TMTC2: variants seen among roughly 807,000 people sequenced by gnomAD.
TMTC2 encodes protein O-mannosyl-transferase TMTC2.
Under a neutral mutation model 82.4 loss-of-function variants are expected in TMTC2, and 43 were observed. The ratio of observed to expected loss-of-function variants is 0.52; its 90% CI spans 0.41 to 0.67. TMTC2 has a LOEUF of 0.67. Ranked by LOEUF, TMTC2 falls within the 30% of genes least tolerant of loss-of-function variation. TMTC2 has a pLI of 0.00. For missense variants in TMTC2, 919 were observed against 1,012.4 expected (o/e 0.91, Z 1.25); for synonymous variants, 408 against 381.9 (o/e 1.07, Z -0.80).
At chr12:82,973,007 T>G (rs1387028457) in intron 7 of TMTC2, among the ~76,000 whole-genome samples, 3 of 152,222 alleles carry the variant, frequency 2.0e-5, no homozygotes, top group Non-Finnish European at 4.4e-5. Context: ...TGTGTTTAGT[T>G]GTTCTTAAGT....
chr12:82,851,214 G>T (rs1870958510), intron 1 of TMTC2, among the ~76,000 whole-genome samples: 1 of 152,042 alleles, frequency 6.6e-6, no homozygotes, highest in African/African-American at 2.4e-5. Flanking sequence ...CAGATCACCT[G>T]AGGTCAGGAG....
chr12:83,042,527 T>G (rs1881933672), intron 9 of TMTC2, among the ~76,000 whole-genome samples: 1 of 152,204 alleles, frequency 6.6e-6, no homozygotes, highest in African/African-American at 2.4e-5. Flanking sequence ...TGTGTGTTAC[T>G]TAAACCTATG....
chr12:83,061,519 A>G (rs776454583), intron 10 of TMTC2, among the ~76,000 whole-genome samples: 9 of 151,892 alleles, frequency 5.9e-5, no homozygotes, highest in South Asian at 2.1e-4. Flanking sequence ...TAACTTTTCT[A>G]ATTCCTAATA....
chr12:83,006,041 C>G (rs1026122539), intron 8 of TMTC2, among the ~76,000 whole-genome samples: 2 of 152,186 alleles, frequency 1.3e-5, no homozygotes, highest in African/African-American at 2.4e-5. Flanking sequence ...TCTGGGCAGT[C>G]CCCCCTACCA....
chr12:83,021,252 T>A (rs1296686078), intron 8 of TMTC2, among the ~76,000 whole-genome samples: 2 of 152,150 alleles, frequency 1.3e-5, no homozygotes, highest in Admixed American at 1.3e-4. Flanking sequence ...TCTCGGCCTA[T>A]GGCACCCTAT....
intron 1 of TMTC2, among the ~76,000 whole-genome samples, chr12:82,690,910 TG>T (rs1463290670): frequency 6.6e-6 from 1 of 152,208 alleles, no homozygotes; most frequent in Non-Finnish European, 1.5e-5. Flanking sequence ...ACGCATTTGT[TG>T]AGGATGACAT....
At chr12:82,750,661 T>C (rs1328789053) in intron 1 of TMTC2, among the ~76,000 whole-genome samples, 1 of 152,202 alleles carries the variant, frequency 6.6e-6, no homozygotes, top group Non-Finnish European at 1.5e-5. Context: ...TTATTAATCC[T>C]GACTTTATGT....
chr12:83,038,307 CAAAAA>C (rs757336334), intron 9 of TMTC2, among the ~76,000 whole-genome samples: 1 of 149,914 alleles, frequency 6.7e-6, no homozygotes, highest in Non-Finnish European at 1.5e-5. Flanking sequence ...TATATATACT[CAAAAA>C]AAAAGTTAGG....
chr12:82,798,690 C>G (rs1414632166), intron 1 of TMTC2, among the ~76,000 whole-genome samples: 6 of 150,458 alleles, frequency 4.0e-5, no homozygotes, highest in Non-Finnish European at 8.9e-5. Flanking sequence ...GCCTGTAATG[C>G]CAGCTACTTG....
intron 1 of TMTC2, among the ~76,000 whole-genome samples, chr12:82,711,229 T>G (rs897856997): frequency 2.0e-5 from 3 of 152,228 alleles, no homozygotes. Context: ...AGGTCAGAAG[T>G]CACCGTCAAC....
In TMTC2 at chr12:82,754,965, G is replaced by A. The variant is rs539607982; in HGVS notation, c.83+67296G>A. ...CATCTCAGAAAAAGGTGTTATGCAAGGCATAATTATTTTCCAAGTGCTATC... is the reference window on the plus strand; with the variant it reads ...CATCTCAGAAAAAGGTGTTATGCAAAGCATAATTATTTTCCAAGTGCTATC... On this transcript the variant is annotated intron_variant, in intron 1 of 11. Coordinates refer to ENST00000321196, the MANE Select transcript of TMTC2 (RefSeq NM_152588.3). Among the ~76,000 whole-genome samples the A allele has an allele frequency of 9.2e-5, 14 of 151,748 alleles. No individual in the cohort carries two copies. In the South Asian group the frequency reaches 1.2e-3, roughly 13 times the overall value.
rs1037177369 is a variant in TMTC2, at chr12:82,818,644, A to G, written c.84-38366A>G. ...ACTCTCTGAATCTCTCAAATACCTC[A>G]TATGGGAGTGCCCACTAATAGTTGC... On this transcript the variant is annotated intron_variant, in intron 1 of 11. Coordinates refer to ENST00000321196, the MANE Select transcript of TMTC2 (RefSeq NM_152588.3). Among the ~76,000 whole-genome samples the G allele has an allele frequency of 4.6e-5, 7 of 152,282 alleles. No individual in the cohort carries two copies. The South Asian group carries it at 6.2e-4, about 14-fold the overall frequency.
chr12:82,968,488 G>T (rs1441860890), intron 7 of TMTC2, among the ~76,000 whole-genome samples: 1 of 152,012 alleles, frequency 6.6e-6, no homozygotes, highest in Non-Finnish European at 1.5e-5. Flanking sequence ...CTCTAGCTTT[G>T]GTTTAACTTA....
At chr12:83,099,685 C>CAAA (rs1884149452) in intron 11 of TMTC2, among the ~76,000 whole-genome samples, 5 of 151,678 alleles carry the variant, frequency 3.3e-5, no homozygotes, top group Non-Finnish European at 7.4e-5. Flanking sequence ...TGTTCTTCAT[C>CAAA]ACTTGAAAAA....
At chr12:82,736,307 A>G (rs1369372034) in intron 1 of TMTC2, among the ~76,000 whole-genome samples, 1 of 152,134 alleles carries the variant, frequency 6.6e-6, no homozygotes, top group African/African-American at 2.4e-5. Context: ...TTTCAAGATG[A>G]TTAACTTTAA....
intron 1 of TMTC2, among the ~76,000 whole-genome samples, chr12:82,745,757 A>C (rs2136959194): frequency 6.6e-6 from 1 of 152,338 alleles, no homozygotes; most frequent in South Asian, 2.1e-4. Context: ...TATGAGATAC[A>C]GAGCAGGCAA....
intron 1 of TMTC2, among the ~76,000 whole-genome samples, chr12:82,800,036 A>G (rs899928868): frequency 6.6e-6 from 1 of 152,130 alleles, no homozygotes; most frequent in Admixed American, 6.5e-5. Flanking sequence ...GTTTGTAGGT[A>G]TGAAGCAGAG....
At chr12:82,691,473 A>AT (rs1275467198) in intron 1 of TMTC2, among the ~76,000 whole-genome samples, 1 of 152,146 alleles carries the variant, frequency 6.6e-6, no homozygotes, top group Non-Finnish European at 1.5e-5. Flanking sequence ...ACATGAGTTA[A>AT]TTTTTTCTTT....
chr12:83,068,745 C>T (rs904501586), intron 11 of TMTC2, among the ~76,000 whole-genome samples: 1 of 151,860 alleles, frequency 6.6e-6, no homozygotes, highest in Non-Finnish European at 1.5e-5. Context: ...AGTTGGGGTA[C>T]AGGCAGTATT....
Sources: allele counts gnomAD v4.1 joint callset (sites outside exome capture counted in the v4.1 genomes callset), GRCh38; gene constraint gnomAD v4.1.1; transcripts MANE v1.5; gene names NCBI Gene and HGNC (gene_info 2026-07-23, HGNC 2026-07-21).